OCA2: variants seen among roughly 807,000 people sequenced by gnomAD.
The protein encoded by OCA2 is P protein.
A neutral mutation model predicts 100.2 loss-of-function variants in OCA2; 77 were observed. That is an observed-to-expected ratio of 0.77 (90% CI 0.64 to 0.93). The LOEUF (loss-of-function observed/expected upper bound fraction) is 0.93, where lower values mean the gene tolerates loss of function less well. OCA2 is among the 40% of genes least tolerant of loss of function. The probability of loss-of-function intolerance (pLI) is 0.00; values close to 1 mark genes in which losing one functional copy is unlikely to be tolerated. For missense variants in OCA2, 1,062 were observed against 1,089.1 expected, an observed-to-expected ratio of 0.98 and a Z score of 0.35; for synonymous variants, 432 against 439.2, an observed-to-expected ratio of 0.98 and a Z score of 0.21.
At chr15:28,031,889 T>C (rs575169491) in intron 3 of OCA2, among the ~76,000 whole-genome samples, 176 bp downstream of exon 3, 1 of 152,294 alleles carries the variant, frequency 6.6e-6, no homozygotes, top group East Asian at 1.9e-4. Context: ...CATCTGGAAA[T>C]TAATATCCAC....
intron 23 of OCA2, among the ~76,000 whole-genome samples, chr15:27,792,415 A>G (rs965626950): frequency 6.6e-6 from 1 of 152,012 alleles, no homozygotes; most frequent in African/African-American, 2.4e-5. Flanking sequence ...CATCCTTTAC[A>G]TGGCAGTGGA....
chr15:27,732,754 C>T, the OCA2 span, among the ~76,000 whole-genome samples: 13 of 152,196 alleles, frequency 8.5e-5, no homozygotes, highest in African/African-American at 2.2e-4. Context: ...CTCCTGGGTA[C>T]ACCATGTAAA....
Position 28,016,418 on chromosome 15 carries a change from GA to G in OCA2, c.808-233del, listed in dbSNP as rs1273123824. ...TTTGTTTAAGAAAAAGGATTCAAAA[GA>G]AAAAATGCAGAATTAGTGTACAAAA... On this transcript the variant is annotated intron_variant, in intron 7 of 23. Coordinates refer to ENST00000354638, the MANE Select transcript of OCA2 (RefSeq NM_000275.3). 2.0e-5 allele frequency among the ~76,000 whole-genome samples: 3 copies of G among 152,298 alleles called. No individual in the cohort carries two copies. In the South Asian group the frequency reaches 6.2e-4, roughly 32 times the overall value.
At chr15:27,763,382 C>T (rs2030993977) in intron 23 of OCA2, among the ~76,000 whole-genome samples, 1 of 152,176 alleles carries the variant, frequency 6.6e-6, no homozygotes, top group Admixed American at 6.5e-5. Context: ...AAAACATTTG[C>T]AGACCATAGA....
intron 2 of OCA2, among the ~76,000 whole-genome samples, chr15:28,032,809 A>C (rs891107430): frequency 2.0e-5 from 3 of 146,442 alleles, no homozygotes; most frequent in African/African-American, 7.8e-5. Flanking sequence ...AAAAAAAAAA[A>C]CAAAACAAAA....
the OCA2 span, among the ~76,000 whole-genome samples, chr15:27,746,284 C>T: frequency 6.6e-6 from 1 of 152,050 alleles, no homozygotes; most frequent in African/African-American, 2.4e-5. Flanking sequence ...GGTGAAACCC[C>T]ATCTCTACTA....
At chr15:28,076,896 A>G (rs2044448222) in intron 2 of OCA2, among the ~76,000 whole-genome samples, 1 of 151,792 alleles carries the variant, frequency 6.6e-6, no homozygotes, top group South Asian at 2.1e-4. Flanking sequence ...AAGTCTGTCA[A>G]TCTGACAACC....
At chr15:27,939,376 C>T (rs1392158724) in intron 18 of OCA2, among the ~76,000 whole-genome samples, 1 of 152,102 alleles carries the variant, frequency 6.6e-6, no homozygotes, top group Non-Finnish European at 1.5e-5. Context: ...CTGGTACCCT[C>T]GGGGCCTATT....
intron 9 of OCA2, among the ~76,000 whole-genome samples, chr15:28,007,592 T>G (rs1415167863): frequency 6.6e-6 from 1 of 151,772 alleles, no homozygotes; most frequent in African/African-American, 2.4e-5. Context: ...TAGCCGGGGG[T>G]GGTGTCTCGC....
chr15:27,908,634 C>A (rs1270505201), intron 19 of OCA2, among the ~76,000 whole-genome samples: 1 of 152,014 alleles, frequency 6.6e-6, no homozygotes, highest in Non-Finnish European at 1.5e-5. Flanking sequence ...GTGGAGTCCA[C>A]GTGAGTACAG....
intron 2 of OCA2, among the ~76,000 whole-genome samples, chr15:28,060,440 C>G (rs1253197285): frequency 6.6e-6 from 1 of 152,150 alleles, no homozygotes; most frequent in East Asian, 1.9e-4. Flanking sequence ...CTTCTTGCAC[C>G]CTTGTGGGGA....
At chr15:28,054,310 A>G (rs1286679105) in intron 2 of OCA2, among the ~76,000 whole-genome samples, 1 of 152,130 alleles carries the variant, frequency 6.6e-6, no homozygotes, top group Non-Finnish European at 1.5e-5. Context: ...CTGTGTGGGT[A>G]TGTATGCATG....
intron 3 of OCA2, among the ~76,000 whole-genome samples, chr15:28,028,589 G>A (rs755234479): frequency 3.3e-5 from 5 of 152,140 alleles, no homozygotes; most frequent in Non-Finnish European, 7.3e-5. Context: ...GGCCAAAAAT[G>A]GGGCCTATAT....
chr15:27,747,028 T>G, the OCA2 span, among the ~76,000 whole-genome samples: 2 of 152,178 alleles, frequency 1.3e-5, no homozygotes, highest in Non-Finnish European at 2.9e-5. Context: ...CCAAAACTTA[T>G]CACTCCTAAA....
At chr15:28,022,661 T>C (rs2042631860) in intron 5 of OCA2, 88 bp from the exon 6 acceptor site, 2 of 934,496 alleles carry the variant, frequency 2.1e-6, no homozygotes, top group East Asian at 2.4e-5. Context: ...AAAACAGATG[T>C]GATGATGGGG....
intron 1 of OCA2, among the ~76,000 whole-genome samples, chr15:28,094,581 T>C (rs1429807744): frequency 6.6e-6 from 1 of 152,046 alleles, no homozygotes; most frequent in Non-Finnish European, 1.5e-5. Flanking sequence ...AAAAAATAGA[T>C]GGTTCAGAGT....
At chr15:28,031,201 G>T (rs1401566130) in intron 3 of OCA2, among the ~76,000 whole-genome samples, 1 of 152,166 alleles carries the variant, frequency 6.6e-6, no homozygotes, top group Non-Finnish European at 1.5e-5. Context: ...ATAAGAATAA[G>T]ACCTTAACTT....
intron 19 of OCA2, among the ~76,000 whole-genome samples, chr15:27,915,698 T>A (rs1435017998): frequency 6.6e-6 from 1 of 152,052 alleles, no homozygotes; most frequent in Non-Finnish European, 1.5e-5. Flanking sequence ...AAGTGAAAAA[T>A]AACAGATGTT....
the OCA2 span, among the ~76,000 whole-genome samples, chr15:27,745,622 T>C: frequency 6.6e-6 from 1 of 152,236 alleles, no homozygotes; most frequent in Non-Finnish European, 1.5e-5. Context: ...GGCCCTGCAA[T>C]GCTTTCTCTT....
Sources: gnomAD v4.1 joint callset for allele counts (sites outside exome capture counted in the v4.1 genomes callset) on GRCh38, gnomAD v4.1.1 for gene constraint, MANE v1.5 for transcripts, NCBI Gene and HGNC (gene_info 2026-07-23, HGNC 2026-07-21) for gene names.